The following TNFAIP6 variants were observed in gnomAD, a reference collection of about 807,000 sequenced individuals.
TNFAIP6 encodes tumor necrosis factor-inducible gene 6 protein.
A neutral mutation model predicts 33.7 loss-of-function variants in TNFAIP6; 36 were observed. The observed-to-expected ratio is 1.07, with a 90% CI of 0.82 to 1.41. TNFAIP6 has a LOEUF of 1.41. TNFAIP6 is among the 40% of genes most tolerant of loss of function. The pLI, the probability that TNFAIP6 is intolerant of heterozygous loss-of-function variation, is 0.00. For missense variants in TNFAIP6, 273 were observed against 331.9 expected (o/e 0.82, Z 1.38); for synonymous variants, 113 against 112.8 (o/e 1.00, Z -0.01).
intron 1 of TNFAIP6, 85 bp downstream of exon 1, chr2:151,357,845 C>G (rs1684561826): frequency 2.3e-6 from 2 of 888,480 alleles, no homozygotes; most frequent in Admixed American, 3.5e-5. Flanking sequence ...GTAACTTTTT[C>G]TATTCTGTAC....
chr2:151,359,004 T>C (rs959423027), intron 1 of TNFAIP6, among the ~76,000 whole-genome samples: 3 of 152,238 alleles, frequency 2.0e-5, no homozygotes, highest in African/African-American at 7.2e-5. Context: ...AACCCTCTAA[T>C]AATCAAGTAA....
chr2:151,370,260 T>G lies in TNFAIP6; in HGVS notation c.623+12T>G. ...GGCTTTGTGGGAAGGTACGTATGGG[T>G]CCCCATACAGGAAGTTAAATGAACG... On this transcript the variant is annotated intron_variant, in intron 4 of 5. Transcript: ENST00000243347. 1 of 1,578,210 alleles carries G rather than the reference T, an allele frequency of 6.3e-7. No homozygotes were observed. The highest frequency in any genetic ancestry group is 8.7e-7 in the Non-Finnish European group (1 of 1,148,060).
Position 151,370,233 on chromosome 2 carries a change from A to T in TNFAIP6, c.608A>T (p.His203Leu), listed in dbSNP as rs140582548. The T allele has an allele frequency of 3.7e-6, 6 of 1,613,932 alleles. No homozygotes were observed. Among genetic ancestry groups the T allele is most frequent in the Non-Finnish European group, 5.1e-6 (6 of 1,179,850 alleles). Residue 203 changes from histidine (H) to leucine (L), a missense_variant, in exon 4 of 6, where the codon CAT becomes CTT. Transcript: ENST00000243347. Reference protein sequence around the residue: ...VEIYDSYDDVHGFVGRYCGDE... With the variant: ...VEIYDSYDDVLGFVGRYCGDE... The stretch of plus-strand genomic sequence containing the variant: ...ATATATGACAGTTACGATGATGTCC[A>T]TGGCTTTGTGGGAAGGTACGTATGG...
intron 3 of TNFAIP6, among the ~76,000 whole-genome samples, chr2:151,367,148 C>T (rs1371454476): frequency 6.6e-6 from 1 of 152,008 alleles, no homozygotes; most frequent in Admixed American, 6.6e-5. Context: ...ATTATATTAA[C>T]ATTTGGAGAA....
At chr2:151,379,305 T>C in intron 5 of TNFAIP6, 59 bp from the exon 6 acceptor site, 2 of 1,459,302 alleles carry the variant, frequency 1.4e-6, no homozygotes, top group East Asian at 2.4e-5. Flanking sequence ...GTCTTTGAAT[T>C]GTCAGCCAAA....
chr2:151,366,118 C>A lies in TNFAIP6; in HGVS notation c.295C>A (p.Pro99Thr). The change falls in exon 3 of 6, where the codon CCA (proline) becomes ACA (threonine). Residue 99 changes from proline to threonine, a missense_variant. By Grantham distance (38) the Pro-to-Thr change is conservative. Transcript: ENST00000243347. ...CAGAGTTGGATACCCCATTGTGAAG[C>A]CAGGGCCCAACTGTGGATTTGGAAA... ...KGRVGYPIVK[P>T]GPNCGFGKTG... 6.2e-7 allele frequency: 1 copy of A among 1,614,020 alleles called. No individual in the cohort carries two copies. Among genetic ancestry groups the A allele is most frequent in the Non-Finnish European group, 8.5e-7 (1 of 1,179,940 alleles).
At chr2:151,367,728 A>G (rs1440516585) in intron 3 of TNFAIP6, among the ~76,000 whole-genome samples, 2 of 152,106 alleles carry the variant, frequency 1.3e-5, no homozygotes, top group African/African-American at 4.8e-5. Flanking sequence ...TTTTTACCCA[A>G]TTCTCAGTGC....
At chr2:151,374,562 C>G (rs1684870313) in intron 5 of TNFAIP6, among the ~76,000 whole-genome samples, 1 of 152,138 alleles carries the variant, frequency 6.6e-6, no homozygotes, top group Admixed American at 6.6e-5. Context: ...CACACCCCAG[C>G]CTTTCAGTGA....
intron 1 of TNFAIP6, among the ~76,000 whole-genome samples, chr2:151,363,491 AC>A (rs1433579516): frequency 5.4e-4 from 19 of 35,416 alleles, no homozygotes; most frequent in African/African-American, 1.3e-3. Context: ...CCCTGTCGCT[AC>A]TTTAAAAAAA....
rs376038477 is a variant in TNFAIP6, at chr2:151,378,807, A to T, written c.665-557A>T. ...CCCAGCCCAAGAGTACCTTTTAAAT[A>T]CAAGAGAGAGGCCAACTCGGTGGCT... On this transcript the variant is annotated intron_variant, in intron 5 of 5. Transcript: ENST00000243347. 9.9e-5 allele frequency among the ~76,000 whole-genome samples: 15 copies of T among 151,108 alleles called. No individual in the cohort carries two copies. In the East Asian group the frequency reaches 1.6e-3, roughly 16 times the overall value.
At chr2:151,368,819 A>G (rs1022670343) in intron 3 of TNFAIP6, among the ~76,000 whole-genome samples, 1 of 152,190 alleles carries the variant, frequency 6.6e-6, no homozygotes, top group Non-Finnish European at 1.5e-5. Flanking sequence ...CCCTGAAGAC[A>G]TATGGTGACA....
chr2:151,367,012 T>A (rs1310482494), intron 3 of TNFAIP6, among the ~76,000 whole-genome samples: 8 of 152,182 alleles, frequency 5.3e-5, no homozygotes, highest in Admixed American at 5.2e-4. Context: ...AAAGTCTTCC[T>A]GGCATTTAGG....
chr2:151,377,780 G>T (rs1217298961), intron 5 of TNFAIP6, among the ~76,000 whole-genome samples: 2 of 151,708 alleles, frequency 1.3e-5, no homozygotes, highest in East Asian at 3.9e-4. Flanking sequence ...TTTTCTCTCA[G>T]TCTGTCTCGT....
Position 151,377,437 on chromosome 2 carries a change from A to G in TNFAIP6, c.665-1927A>G, listed in dbSNP as rs191721383. On this transcript the variant is annotated intron_variant, in intron 5 of 5. Transcript: ENST00000243347. ...ACCCGCCTCGGCCTCCCAAAGTGCT[A>G]GGATTACAGGCGTGAGCCACCGTGC... 6.0e-3 allele frequency among the ~76,000 whole-genome samples: 908 copies of G among 151,874 alleles called. 8 individuals carry two copies. The highest frequency in any genetic ancestry group is 9.6e-3 in the Non-Finnish European group (651 of 67,954).
chr2:151,373,677 T>C, intron 5 of TNFAIP6, 88 bp downstream of exon 5: 1 of 668,658 alleles, frequency 1.5e-6, no homozygotes, highest in East Asian at 3.1e-5. Flanking sequence ...TAGTAAATAG[T>C]AGTTATTATT....
chr2:151,364,037 C>T lies in TNFAIP6; in HGVS notation c.189C>T (p.Gly63=). 3.1e-6 allele frequency: 5 copies of T among 1,613,970 alleles called. No individual in the cohort carries two copies. The highest frequency in any genetic ancestry group is 4.2e-6 in the Non-Finnish European group (5 of 1,179,948). Residue 63 remains glycine, a synonymous_variant, in exon 2 of 6, where the codon GGC becomes GGT. Coordinates refer to ENST00000243347, the MANE Select transcript of TNFAIP6 (RefSeq NM_007115.4). ...EAKAVCEFEG[G]HLATYKQLEA... is the part of the protein sequence containing the mutation. ...AGGCGGTGTGTGAATTTGAAGGCGGCCATCTCGCAACTTACAAGCAGCTAG... is the reference window on the plus strand; with the variant it reads ...AGGCGGTGTGTGAATTTGAAGGCGGTCATCTCGCAACTTACAAGCAGCTAG...
chr2:151,379,356 C>T lies in TNFAIP6; in HGVS notation c.665-8C>T, dbSNP rs568264953. On this transcript the variant is annotated splice_region_variant and splice_polypyrimidine_tract_variant and intron_variant, in intron 5 of 5. Coordinates refer to ENST00000243347, the MANE Select transcript of TNFAIP6 (RefSeq NM_007115.4). ...ATCTTTGTTCTTTTGCCTCCTTCCC[C>T]GCAACAGGAAATGTCATGACCTTGA... 19 of 1,574,966 alleles carry T rather than the reference C, an allele frequency of 1.2e-5. No individual in the cohort carries two copies. Among genetic ancestry groups the T allele is most frequent in the African/African-American group, 4.2e-5 (3 of 72,070 alleles).
chr2:151,376,117 G>A (rs755474007), intron 5 of TNFAIP6, among the ~76,000 whole-genome samples: 2 of 151,870 alleles, frequency 1.3e-5, no homozygotes, highest in Non-Finnish European at 2.9e-5. Context: ...GTGGTGGCAC[G>A]TGCCTGTAAT....
intron 4 of TNFAIP6, chr2:151,372,394 T>C (rs1479637965): frequency 1.3e-5 from 2 of 152,204 alleles, no homozygotes; most frequent in Admixed American, 1.3e-4. Context: ...ACTTTTCCTC[T>C]AGAATAAATT....
Sources: allele counts gnomAD v4.1 joint callset (sites outside exome capture counted in the v4.1 genomes callset), GRCh38; gene constraint gnomAD v4.1.1; transcripts MANE v1.5; gene names NCBI Gene and HGNC (gene_info 2026-07-23, HGNC 2026-07-21).